The following PCDHGB7 variants were observed in gnomAD, a reference collection of about 807,000 sequenced individuals.
PCDHGB7 encodes the protein protocadherin gamma subfamily B, 7, also known as protocadherin gamma-B7.
In PCDHGB7, 37 loss-of-function variants were observed where a neutral mutation model predicts 61.4. The ratio of observed to expected loss-of-function variants is 0.60; its 90% CI spans 0.46 to 0.79. The LOEUF (loss-of-function observed/expected upper bound fraction) is 0.79, where lower values mean the gene tolerates loss of function less well. PCDHGB7 is among the 30% of genes least tolerant of loss of function. The pLI is 0.00. For missense variants in PCDHGB7, 1,166 were observed against 1,202.5 expected (o/e 0.97, Z 0.45); for synonymous variants, 464 against 503.5 (o/e 0.92, Z 1.05).
At chr5:141,449,667 G>A (rs540415333) in intron 1 of PCDHGB7, among the ~76,000 whole-genome samples, 1 of 150,824 alleles carries the variant, frequency 6.6e-6, no homozygotes, top group South Asian at 2.1e-4. Context: ...ACACCCAAGT[G>A]TGTATGTATA....
chr5:141,497,793 G>A (rs2099779480), intron 2 of PCDHGB7, among the ~76,000 whole-genome samples: 1 of 152,180 alleles, frequency 6.6e-6, no homozygotes, highest in Admixed American at 6.5e-5. Flanking sequence ...ACCTGCTTCA[G>A]CTTCCCAAAG....
chr5:141,444,947 C>G (rs2098452252), intron 1 of PCDHGB7, among the ~76,000 whole-genome samples: 1 of 152,054 alleles, frequency 6.6e-6, no homozygotes, highest in Non-Finnish European at 1.5e-5. Context: ...GGAGGAGGAT[C>G]ATCTTAACAA....
At chr5:141,500,293 C>T (rs1380080572) in intron 2 of PCDHGB7, among the ~76,000 whole-genome samples, 3 of 151,870 alleles carry the variant, frequency 2.0e-5, no homozygotes, top group Non-Finnish European at 4.4e-5. Flanking sequence ...ACTGCAAGCT[C>T]CGCCTCCCAG....
intron 1 of PCDHGB7, among the ~76,000 whole-genome samples, chr5:141,434,259 G>A (rs1452016594): frequency 6.6e-6 from 1 of 152,230 alleles, no homozygotes; most frequent in Non-Finnish European, 1.5e-5. Flanking sequence ...CATTGTGGGG[G>A]AGGTGGAAAT....
chr5:141,448,505 T>C (rs1041076095), intron 1 of PCDHGB7, among the ~76,000 whole-genome samples: 24 of 152,172 alleles, frequency 1.6e-4, no homozygotes, highest in African/African-American at 5.8e-4. Flanking sequence ...AGGTAAACAT[T>C]TTATAACTTT....
chr5:141,427,129 T>A lies in PCDHGB7; in HGVS notation c.2415+6855T>A, dbSNP rs752552669. ...GAGATCACCTACTCTTTCAAATCCC[T>A]ACGAGATGATATTGGAAATATGTTT... On this transcript the variant is annotated intron_variant, in intron 1 of 3. Coordinates refer to ENST00000398594, the MANE Select transcript of PCDHGB7 (RefSeq NM_018927.4). 125 of 457,106 alleles carry A rather than the reference T, an allele frequency of 2.7e-4. 2 individuals are homozygous for A. Among genetic ancestry groups the A allele is most frequent in the Non-Finnish European group, 4.0e-5 (9 of 227,024 alleles). The allele number at this position is 457,106 out of a possible 1,614,324, so 28.3% of individuals were successfully genotyped here.
intron 1 of PCDHGB7, among the ~76,000 whole-genome samples, chr5:141,482,793 C>T (rs900216099): frequency 3.9e-5 from 5 of 128,974 alleles, no homozygotes; most frequent in Non-Finnish European, 8.1e-5. Flanking sequence ...TGTGTGTGGC[C>T]GGGTACGGTG....
intron 1 of PCDHGB7, among the ~76,000 whole-genome samples, chr5:141,425,305 AC>A (rs1239206853): frequency 1.3e-5 from 2 of 152,202 alleles, no homozygotes; most frequent in Non-Finnish European, 2.9e-5. Flanking sequence ...ATCTAAACTA[AC>A]TTCCCAAGAT....
In PCDHGB7 at chr5:141,432,867, T is replaced by C; in HGVS notation, c.2415+12593T>C. ...GTAGCGGTGGCCGCGGTCTCCTGCG[T>C]CTTCCTGGCCTTCGTCATCTTGCTG... On this transcript the variant is annotated intron_variant, in intron 1 of 3. Coordinates refer to ENST00000398594, the MANE Select transcript of PCDHGB7 (RefSeq NM_018927.4). The surrounding 1 kb of genome is among the most constrained non-coding windows in gnomAD (Gnocchi z 6.0). 2 of 1,614,182 alleles carry C rather than the reference T, an allele frequency of 1.2e-6. No individual in the cohort carries two copies. The highest frequency in any genetic ancestry group is 1.7e-6 in the Non-Finnish European group (2 of 1,180,010).
chr5:141,489,428 G>C lies in PCDHGB7; in HGVS notation c.2416-5379G>C, dbSNP rs561792279. The C allele has an allele frequency of 1.2e-6, 2 of 1,613,994 alleles. No individual in the cohort carries two copies. Among genetic ancestry groups the C allele is most frequent in the Non-Finnish European group, 1.7e-6 (2 of 1,180,038 alleles). On this transcript the variant is annotated intron_variant, in intron 1 of 3. Coordinates refer to ENST00000398594, the MANE Select transcript of PCDHGB7 (RefSeq NM_018927.4). This position sits in a 1 kb window ranked among gnomAD's most constrained non-coding sequence, Gnocchi z 4.5. The stretch of plus-strand genomic sequence containing the variant: ...AAGATGACAGATCTGTTGAGCCGGC[G>C]GCTGCAATTGGGCTCTGAGGAGAAT...
chr5:141,427,924 G>T, intron 1 of PCDHGB7: 1 of 1,580,140 alleles, frequency 6.3e-7, no homozygotes, highest in Non-Finnish European at 8.7e-7. Flanking sequence ...ATGAGCCGGC[G>T]CATGTTGGTG....
chr5:141,421,680 G>A (rs2096591907), intron 1 of PCDHGB7: 5 of 1,613,758 alleles, frequency 3.1e-6, no homozygotes, highest in Non-Finnish European at 4.2e-6. Context: ...TTCCTGGGGC[G>A]CGATTTGCTC....
intron 1 of PCDHGB7, chr5:141,422,047 A>G: frequency 6.2e-7 from 1 of 1,611,610 alleles, no homozygotes; most frequent in Non-Finnish European, 8.5e-7. Context: ...AGACGAGGGA[A>G]TCAACGGGGA....
chr5:141,504,790 CT>C (rs1204741124), intron 2 of PCDHGB7, among the ~76,000 whole-genome samples: 15 of 152,080 alleles, frequency 9.9e-5, no homozygotes, highest in Admixed American at 3.9e-4. Context: ...TTGGGGCCTC[CT>C]ACATCTCCCC....
chr5:141,489,267 C>A lies in PCDHGB7; in HGVS notation c.2416-5540C>A. On this transcript the variant is annotated intron_variant, in intron 1 of 3. Transcript: ENST00000398594. This position sits in a 1 kb window ranked among gnomAD's most constrained non-coding sequence, Gnocchi z 4.5. ...TGGGGCCCAAGACACTCCCACAGCT[C>A]GCTGGGAAATGGCAAGTGCTGTGCA... is the stretch of plus-strand genomic sequence containing the variant. 1 of 1,553,300 alleles carries A rather than the reference C, an allele frequency of 6.4e-7. No homozygotes were observed. The highest frequency in any genetic ancestry group is 8.7e-7 in the Non-Finnish European group (1 of 1,149,864).
At chr5:141,462,996 G>A (rs2099050826) in intron 1 of PCDHGB7, among the ~76,000 whole-genome samples, 1 of 152,082 alleles carries the variant, frequency 6.6e-6, no homozygotes, top group South Asian at 2.1e-4. Flanking sequence ...GGCTAATTTA[G>A]ACCTACCACT....
chr5:141,418,007 C>T lies in PCDHGB7; in HGVS notation c.148C>T (p.Leu50Phe). ...ELAKGSVVGN[L>F]AKDLGLSVLD... Reference sequence around the variant, plus strand: ...GGCCAAGGGCTCGGTGGTGGGGAACCTCGCTAAGGATCTAGGGCTTAGTGT... The same window carrying T: ...GGCCAAGGGCTCGGTGGTGGGGAACTTCGCTAAGGATCTAGGGCTTAGTGT... Residue 50 changes from leucine (L) to phenylalanine (F), a missense_variant, in exon 1 of 4, where the codon CTC (leucine) becomes TTC (phenylalanine). Physicochemically the swap from Leu to Phe is conservative, Grantham distance 22. Coordinates refer to ENST00000398594, the MANE Select transcript of PCDHGB7 (RefSeq NM_018927.4). The T allele has an allele frequency of 6.2e-7, 1 of 1,613,904 alleles. No individual in the cohort carries two copies. The highest frequency in any genetic ancestry group is 8.5e-7 in the Non-Finnish European group (1 of 1,179,796).
intron 3 of PCDHGB7, among the ~76,000 whole-genome samples, chr5:141,510,553 A>G (rs1471878583): frequency 6.6e-6 from 1 of 152,162 alleles, no homozygotes; most frequent in Non-Finnish European, 1.5e-5. Context: ...TGTTTTGAGC[A>G]CTTACATCTA....
At chr5:141,510,311 C>T (rs375516156) in intron 3 of PCDHGB7, among the ~76,000 whole-genome samples, 98 of 151,056 alleles carry the variant, frequency 6.5e-4, no homozygotes, top group African/African-American at 2.3e-3. Flanking sequence ...GAAATGGAGG[C>T]TTGGAAGAGC....
Sources: allele counts gnomAD v4.1 joint callset (sites outside exome capture counted in the v4.1 genomes callset), GRCh38; gene constraint gnomAD v4.1.1; non-coding constraint Gnocchi (gnomAD v3.1); transcripts MANE v1.5; gene names NCBI Gene and HGNC (gene_info 2026-07-23, HGNC 2026-07-21).